FKBP7: variants seen among roughly 807,000 people sequenced by gnomAD.
FKBP7 encodes peptidyl-prolyl cis-trans isomerase FKBP7.
In FKBP7, 24 loss-of-function variants were observed where a neutral mutation model predicts 24.3. The observed-to-expected ratio is 0.99, with a 90% CI of 0.72 to 1.39. The LOEUF is 1.39. Among genes scored for constraint, FKBP7 ranks in the 40% most tolerant of loss-of-function variants. The pLI, the probability that FKBP7 is intolerant of heterozygous loss-of-function variation, is 0.00. For synonymous variants in FKBP7, 98 were observed against 92.8 expected (o/e 1.06, Z -0.32); for missense variants, 257 against 269.5 (o/e 0.95, Z 0.33).
intron 3 of FKBP7, chr2:178,467,740 T>C (rs1242389534): frequency 6.6e-6 from 1 of 152,248 alleles, no homozygotes; most frequent in Admixed American, 6.5e-5. Flanking sequence ...TCTCTATTTT[T>C]ATTTTCCAGA....
chr2:178,464,566 C>G lies in FKBP7; in HGVS notation c.*1204G>C, dbSNP rs1362022007. On this transcript the variant is annotated 3_prime_UTR_variant, in exon 4 of 4. Coordinates refer to ENST00000424785, the MANE Select transcript of FKBP7 (RefSeq NM_181342.3). Reference sequence around the variant, plus strand: ...GAGAACAGCACGGGGAAAACCACCCCCATGATTCAGTTACCTCCACCTGGT... The same window carrying G: ...GAGAACAGCACGGGGAAAACCACCCGCATGATTCAGTTACCTCCACCTGGT... The G allele has an allele frequency of 6.6e-6, 1 of 152,146 alleles. No individual in the cohort carries two copies. The highest frequency in any genetic ancestry group is 6.5e-5 in the Admixed American group (1 of 15,276). 9.4% of individuals were successfully genotyped at this position (152,146 alleles called of 1,614,324 possible). A position where few individuals can be genotyped will look rare whatever the true frequency, so the allele number is the denominator to read the frequency against.
At chr2:178,470,464 CT>C (rs1413977041) in intron 2 of FKBP7, among the ~76,000 whole-genome samples, 1 of 152,086 alleles carries the variant, frequency 6.6e-6, no homozygotes, top group Non-Finnish European at 1.5e-5. Context: ...CTGTACTCTC[CT>C]ATCATCAACA....
At chr2:178,469,134 G>C (rs1684772869) in intron 3 of FKBP7, among the ~76,000 whole-genome samples, 1 of 152,152 alleles carries the variant, frequency 6.6e-6, no homozygotes, top group African/African-American at 2.4e-5. Context: ...GCCTCTCAAA[G>C]TGTTGAGATT....
chr2:178,463,854 C>T lies in FKBP7; in HGVS notation c.*1916G>A, dbSNP rs894553375. The T allele has an allele frequency of 2.6e-5, 4 of 151,990 alleles. No individual in the cohort carries two copies. The South Asian group carries it at 8.3e-4, about 31-fold the overall frequency. The allele number at this position is 151,990 out of a possible 1,614,324, so 9.4% of individuals were successfully genotyped here. A position where few individuals can be genotyped will look rare whatever the true frequency, so the allele number is the denominator to read the frequency against. On this transcript the variant is annotated 3_prime_UTR_variant, in exon 4 of 4. Transcript: ENST00000424785. ...ATAGGGTGACTTCTTAATATGGATA[C>T]AAAAAATTGAGACAGGTTCCAAACC... is the stretch of plus-strand genomic sequence containing the variant.
At chr2:178,471,249 A>C (rs1684841175) in intron 2 of FKBP7, among the ~76,000 whole-genome samples, 1 of 141,284 alleles carries the variant, frequency 7.1e-6, no homozygotes, top group Non-Finnish European at 1.5e-5. Flanking sequence ...TTCCTCTGTC[A>C]CCCAGGCTGG....
intron 1 of FKBP7, 138 bp downstream of exon 1, chr2:178,478,141 T>C (rs1435187141): frequency 1.2e-6 from 1 of 839,812 alleles, no homozygotes; most frequent in East Asian, 2.6e-5. Flanking sequence ...TAATGTGATT[T>C]TTTTTAATGA....
chr2:178,469,623 A>G, intron 3 of FKBP7, 29 bp downstream of exon 3: 1 of 1,611,476 alleles, frequency 6.2e-7, no homozygotes, highest in Non-Finnish European at 8.5e-7. Context: ...AAAAAATTAG[A>G]CTATACACAT....
chr2:178,467,196 G>A (rs929769345), intron 3 of FKBP7, among the ~76,000 whole-genome samples: 2 of 152,144 alleles, frequency 1.3e-5, no homozygotes, highest in African/African-American at 2.4e-5. Flanking sequence ...GTAAACTACA[G>A]TACAGAGGTA....
chr2:178,468,035 G>T lies in FKBP7; in HGVS notation c.507+1617C>A, dbSNP rs560985275. The T allele has an allele frequency of 3.3e-5, 5 of 152,270 alleles. No homozygotes were observed. In the East Asian group the frequency reaches 7.7e-4, roughly 24 times the overall value. The allele number at this position is 152,270 out of a possible 1,614,324, so 9.4% of individuals were successfully genotyped here. On this transcript the variant is annotated intron_variant, in intron 3 of 3. Transcript: ENST00000424785. ...TGTTGGCCAACCAAGATGCCTGAAG[G>T]GAAAGTCATTACTAATATCCTGGTG... is the stretch of plus-strand genomic sequence containing the variant.
Position 178,464,551 on chromosome 2 carries a change from C to T in FKBP7, c.*1219G>A, listed in dbSNP as rs1420634525. 5 of 152,144 alleles carry T rather than the reference C, an allele frequency of 3.3e-5. No homozygotes were observed. The highest frequency in any genetic ancestry group is 9.7e-5 in the African/African-American group (4 of 41,418). The allele number at this position is 152,144 out of a possible 1,614,324, so 9.4% of individuals were successfully genotyped here. A position where few individuals can be genotyped will look rare whatever the true frequency, so the allele number is the denominator to read the frequency against. Reference sequence around the variant, plus strand: ...ACCATCAGATTGCATGAGAACAGCACGGGGAAAACCACCCCCATGATTCAG... The same window carrying T: ...ACCATCAGATTGCATGAGAACAGCATGGGGAAAACCACCCCCATGATTCAG... On this transcript the variant is annotated 3_prime_UTR_variant, in exon 4 of 4. Coordinates refer to ENST00000424785, the MANE Select transcript of FKBP7 (RefSeq NM_181342.3).
intron 2 of FKBP7, among the ~76,000 whole-genome samples, chr2:178,470,416 G>A (rs970288153): frequency 6.6e-6 from 1 of 152,136 alleles, no homozygotes; most frequent in African/African-American, 2.4e-5. Context: ...TCCATGAGAA[G>A]GTCTTGGAAC....
chr2:178,477,242 C>G (rs768119717), intron 1 of FKBP7, 29 bp from the exon 2 acceptor site: 12 of 1,598,414 alleles, frequency 7.5e-6, no homozygotes, highest in Non-Finnish European at 1.0e-5. Context: ...CTTAAGTAAA[C>G]TGATTTCAAG....
Position 178,465,920 on chromosome 2 carries a change from G to A in FKBP7, c.519C>T (p.Tyr173=), listed in dbSNP as rs1383271653. 1.9e-6 allele frequency: 3 copies of A among 1,600,446 alleles called. No homozygotes were observed. Among genetic ancestry groups the A allele is most frequent in the Middle Eastern group, 1.7e-4 (1 of 5,986 alleles). The change falls in exon 4 of 4, where the codon TAC becomes TAT. Residue 173 remains tyrosine (Y), a synonymous_variant. Coordinates refer to ENST00000424785, the MANE Select transcript of FKBP7 (RefSeq NM_181342.3). ...RQLSKAEINL[Y]LQREFEKDEK... ...CATCTTTTTCAAATTCCCTTTGCAA[G>A]TAGAGGTTTATCTGGAAGGCCAAAA...
At chr2:178,478,600 C>CA, upstream of FKBP7, 1 of 1,548,890 alleles carries the variant, frequency 6.5e-7, no homozygotes, top group South Asian at 1.2e-5. Context: ...TCCTGCGTCA[C>CA]AAAGGGCCGG....
At chr2:178,475,716 C>T (rs774597872) in intron 2 of FKBP7, among the ~76,000 whole-genome samples, 9 of 151,966 alleles carry the variant, frequency 5.9e-5, no homozygotes, top group Non-Finnish European at 8.8e-5. Flanking sequence ...ACTTAAAGGC[C>T]ATTTGTAGTT....
In FKBP7 at chr2:178,478,285, T is replaced by C. The variant is rs1440352091; in HGVS notation, c.215A>G (p.Tyr72Cys). 8 of 1,613,944 alleles carry C rather than the reference T, an allele frequency of 5.0e-6. 1 individual carries two copies. The South Asian group carries it at 5.5e-5, about 11-fold the overall frequency. Reference protein sequence around the residue: ...GYLAKDGSKFYCSRTQNEGHP... With the variant: ...GYLAKDGSKFCCSRTQNEGHP... ...AGCTCGCAGCATTTCCTACCTGCAG[T>C]AGAATTTCGAGCCGTCTTTAGCCAG... is the stretch of plus-strand genomic sequence containing the variant. The change falls in exon 1 of 4, where the codon TAC (tyrosine) becomes TGC (cysteine). Residue 72 changes from tyrosine to cysteine, a missense_variant. Tyr to Cys is a radical substitution (Grantham distance 194). Transcript: ENST00000424785.
chr2:178,476,714 A>ATT (rs35360731), intron 2 of FKBP7, among the ~76,000 whole-genome samples: 69 of 122,528 alleles, frequency 5.6e-4, no homozygotes, highest in South Asian at 1.3e-3. Flanking sequence ...ATTCCATTTC[A>ATT]TTTTTTTTTT....
At position 178,470,759 on chromosome 2, in the gene FKBP7, G is replaced by A. The variant is rs570940208; in HGVS notation, c.374-974C>T. On this transcript the variant is annotated intron_variant, in intron 2 of 3. Coordinates refer to ENST00000424785, the MANE Select transcript of FKBP7 (RefSeq NM_181342.3). The stretch of plus-strand genomic sequence containing the variant: ...AGCCCAGGAGTTTGAGACCAAACTG[G>A]GCAACATAGTGAGACCCTGTCTCTA... 4.0e-5 allele frequency among the ~76,000 whole-genome samples: 6 copies of A among 151,556 alleles called. No individual in the cohort carries two copies. The South Asian group carries it at 1.3e-3, about 32-fold the overall frequency.
At chr2:178,471,619 A>G (rs1303823449) in intron 2 of FKBP7, among the ~76,000 whole-genome samples, 2 of 152,246 alleles carry the variant, frequency 1.3e-5, no homozygotes, top group African/African-American at 2.4e-5. Context: ...AGCTTGTGTC[A>G]TCAGTATATT....
Sources: gnomAD v4.1 joint callset for allele counts (sites outside exome capture counted in the v4.1 genomes callset) on GRCh38, gnomAD v4.1.1 for gene constraint, MANE v1.5 for transcripts, NCBI Gene and HGNC (gene_info 2026-07-23, HGNC 2026-07-21) for gene names.